The following NELL1 variants were observed in gnomAD, a reference collection of about 807,000 sequenced individuals.
The protein encoded by NELL1 is protein kinase C-binding protein NELL1.
NELL1 carries 76 observed loss-of-function variants against 107.4 expected under a neutral mutation model. The observed-to-expected ratio is 0.71, with a 90% CI of 0.59 to 0.86. NELL1 has a LOEUF of 0.86. NELL1 is among the 40% of genes least tolerant of loss of function. NELL1 has a pLI of 0.00. For synonymous variants in NELL1, 353 were observed against 341.2 expected (o/e 1.03, Z -0.38); for missense variants, 1,024 against 1,005.5 (o/e 1.02, Z -0.25).
intron 16 of NELL1, among the ~76,000 whole-genome samples, chr11:21,545,248 A>G (rs1221908149): frequency 1.8e-5 from 2 of 109,858 alleles, no homozygotes; most frequent in African/African-American, 6.3e-5. Context: ...TCTCCTTTCC[A>G]CTCTGATAAA....
chr11:20,974,783 T>A (rs990636639), intron 12 of NELL1, among the ~76,000 whole-genome samples: 1 of 152,126 alleles, frequency 6.6e-6, no homozygotes, highest in Non-Finnish European at 1.5e-5. Context: ...TCTCTATTGG[T>A]CTGGGGTATA....
At position 20,783,525 on chromosome 11, in the gene NELL1, A is replaced by T. The variant is rs59157440; in HGVS notation, c.185-155A>T. 3.8e-4 allele frequency: 209 copies of T among 553,120 alleles called. 2 individuals carry two copies. Among genetic ancestry groups the T allele is most frequent in the African/African-American group, 3.5e-3 (185 of 52,782 alleles). 34.3% of individuals were successfully genotyped at this position (553,120 alleles called of 1,614,324 possible). A position where few individuals can be genotyped will look rare whatever the true frequency, so the allele number is the denominator to read the frequency against. On this transcript the variant is annotated intron_variant, in intron 2 of 19. Coordinates refer to ENST00000357134, the MANE Select transcript of NELL1 (RefSeq NM_006157.5). Reference sequence around the variant, plus strand: ...GACAGAAGAGGAAAATGAAACTTGCAATCTGGATTCTTTGGACATGACATT... The same window carrying T: ...GACAGAAGAGGAAAATGAAACTTGCTATCTGGATTCTTTGGACATGACATT...
At chr11:21,101,232 C>T (rs1052579593) in intron 12 of NELL1, among the ~76,000 whole-genome samples, 1 of 152,148 alleles carries the variant, frequency 6.6e-6, no homozygotes, top group Non-Finnish European at 1.5e-5. Flanking sequence ...TTAATCCAGT[C>T]TATCATTGTT....
At chr11:20,702,905 G>A (rs1487478296) in intron 2 of NELL1, among the ~76,000 whole-genome samples, 1 of 152,142 alleles carries the variant, frequency 6.6e-6, no homozygotes, top group Non-Finnish European at 1.5e-5. Flanking sequence ...GCTGGATTTG[G>A]TTTGCCAGCA....
intron 14 of NELL1, among the ~76,000 whole-genome samples, chr11:21,337,772 CT>C (rs1850449520): frequency 7.1e-6 from 1 of 141,268 alleles, no homozygotes; most frequent in Non-Finnish European, 1.5e-5. Context: ...TTCTTTCTTT[CT>C]TTCTTTCTTT....
At chr11:20,772,609 C>G (rs534529635) in intron 2 of NELL1, among the ~76,000 whole-genome samples, 2 of 70,144 alleles carry the variant, frequency 2.9e-5, no homozygotes, top group East Asian at 9.8e-4. Context: ...AAATATTAGG[C>G]ACTTTTCATT....
intron 11 of NELL1, among the ~76,000 whole-genome samples, chr11:20,950,876 G>A (rs981662790): frequency 2.0e-5 from 3 of 152,226 alleles, no homozygotes; most frequent in African/African-American, 7.2e-5. Flanking sequence ...AAAAACCAAA[G>A]TGGCTGTGGC....
intron 15 of NELL1, among the ~76,000 whole-genome samples, chr11:21,455,016 A>C (rs116981427): frequency 5.5e-4 from 84 of 152,350 alleles, no homozygotes; most frequent in Non-Finnish European, 8.7e-4. Context: ...TTTTTGTCGT[A>C]GATCCAAATT....
chr11:21,279,531 A>G (rs1170109648), intron 14 of NELL1, among the ~76,000 whole-genome samples: 1 of 152,206 alleles, frequency 6.6e-6, no homozygotes, highest in Non-Finnish European at 1.5e-5. Context: ...TTAAGGAACT[A>G]CAAACTAAAA....
At chr11:21,290,361 G>A (rs555071107) in intron 14 of NELL1, among the ~76,000 whole-genome samples, 76 of 148,486 alleles carry the variant, frequency 5.1e-4, no homozygotes, top group Non-Finnish European at 8.2e-4. Flanking sequence ...AGAGCAAGAC[G>A]CCATCTCAAA....
intron 2 of NELL1, among the ~76,000 whole-genome samples, chr11:20,754,267 A>G (rs1173175549): frequency 6.6e-6 from 1 of 152,230 alleles, no homozygotes; most frequent in Non-Finnish European, 1.5e-5. Flanking sequence ...AGGGCCTTTA[A>G]CAGTGTCTCA....
At position 21,016,730 on chromosome 11, in the gene NELL1, C is replaced by T. The variant is rs149774871; in HGVS notation, c.1300+56170C>T. On this transcript the variant is annotated intron_variant, in intron 12 of 19. Coordinates refer to ENST00000357134, the MANE Select transcript of NELL1 (RefSeq NM_006157.5). Reference sequence around the variant, plus strand: ...CCACCTGTATATTGATCATTTCCACCTTCAGGCCACATCTCTACTTGGTAC... The same window carrying T: ...CCACCTGTATATTGATCATTTCCACTTTCAGGCCACATCTCTACTTGGTAC... Among the ~76,000 whole-genome samples, 30 of 152,182 alleles carry T rather than the reference C, an allele frequency of 2.0e-4. 1 individual carries two copies. In the East Asian group the frequency reaches 5.8e-3, roughly 30 times the overall value.
chr11:20,909,418 A>C (rs781400494), intron 5 of NELL1, among the ~76,000 whole-genome samples: 1 of 152,300 alleles, frequency 6.6e-6, no homozygotes, highest in South Asian at 2.1e-4. Flanking sequence ...ATTTCTAACA[A>C]GCTGCCAGGT....
At chr11:21,204,988 G>A (rs548314628) in intron 13 of NELL1, among the ~76,000 whole-genome samples, 41 of 152,226 alleles carry the variant, frequency 2.7e-4, no homozygotes, top group African/African-American at 8.9e-4. Flanking sequence ...TGGAAGCTTC[G>A]TCCCAGAGGG....
At chr11:20,933,839 T>A (rs546506817) in intron 9 of NELL1, among the ~76,000 whole-genome samples, 12 of 152,286 alleles carry the variant, frequency 7.9e-5, no homozygotes, top group African/African-American at 2.9e-4. Flanking sequence ...TGTCTGTCGG[T>A]GCAAAAAGAT....
intron 14 of NELL1, chr11:21,260,683 TC>T (rs1483460202): frequency 6.6e-6 from 1 of 151,852 alleles, no homozygotes; most frequent in East Asian, 1.9e-4. Flanking sequence ...AGAGTCTTCA[TC>T]CACAGGAGAG....
chr11:21,566,359 T>C (rs1856972955), intron 17 of NELL1, among the ~76,000 whole-genome samples: 1 of 151,864 alleles, frequency 6.6e-6, no homozygotes, highest in Admixed American at 6.6e-5. Flanking sequence ...TTGACTGAAA[T>C]ACTGAAATAT....
intron 4 of NELL1, among the ~76,000 whole-genome samples, chr11:20,873,227 G>A (rs1452961520): frequency 6.6e-6 from 1 of 152,122 alleles, no homozygotes; most frequent in Non-Finnish European, 1.5e-5. Flanking sequence ...TGGGACCGAC[G>A]ACTGTGGCCT....
chr11:21,219,483 A>G (rs6483752), intron 13 of NELL1, among the ~76,000 whole-genome samples: 1,687 of 152,238 alleles, frequency 0.011, 39 homozygotes, highest in African/African-American at 0.039. Context: ...TTAGTTTAAT[A>G]TAATTCCACT....
Sources: gnomAD v4.1 joint callset for allele counts (sites outside exome capture counted in the v4.1 genomes callset) on GRCh38, gnomAD v4.1.1 for gene constraint, MANE v1.5 for transcripts, NCBI Gene and HGNC (gene_info 2026-07-23, HGNC 2026-07-21) for gene names.